Variants in PVT1 observed in about 807,000 individuals in gnomAD.
PVT1 encodes CXCR4/PVT1 fusion.
At chr8:128,027,782 A>G (rs1813330057) in intron 4 of PVT1, among the ~76,000 whole-genome samples, 1 of 152,174 alleles carries the variant, frequency 6.6e-6, no homozygotes, top group African/African-American at 2.4e-5. Flanking sequence ...TGTTGGATGA[A>G]TGGAGAAATG....
intron 4 of PVT1, among the ~76,000 whole-genome samples, chr8:128,021,357 A>G (rs992943646): frequency 3.7e-5 from 5 of 133,858 alleles, no homozygotes; most frequent in Middle Eastern, 4.3e-3. Context: ...ACGGTGGCGC[A>G]ATCTTGGCTC....
intron 3 of PVT1, among the ~76,000 whole-genome samples, chr8:127,926,432 G>A (rs902114830): frequency 1.3e-5 from 2 of 152,198 alleles, no homozygotes; most frequent in African/African-American, 2.4e-5. Flanking sequence ...CACTTCTCTG[G>A]AGATTAGCCT....
At chr8:127,880,357 C>G (rs1815451193) in intron 2 of PVT1, among the ~76,000 whole-genome samples, 1 of 152,022 alleles carries the variant, frequency 6.6e-6, no homozygotes, top group Admixed American at 6.6e-5. Context: ...GTGGCATGAT[C>G]TTGGCTCACT....
intron 4 of PVT1, chr8:128,008,887 T>C (rs1277334490): frequency 1.9e-6 from 1 of 515,346 alleles, no homozygotes; most frequent in South Asian, 1.4e-5. Flanking sequence ...GCTTACATGC[T>C]TTTTTCATAT....
chr8:127,843,320 G>A (rs1397856781), intron 2 of PVT1, among the ~76,000 whole-genome samples: 1 of 152,204 alleles, frequency 6.6e-6, no homozygotes, highest in Non-Finnish European at 1.5e-5. Flanking sequence ...ACTCCAGCTT[G>A]CGCAACAGAG....
At chr8:127,880,547 C>G (rs148446279) in intron 2 of PVT1, among the ~76,000 whole-genome samples, 2 of 149,454 alleles carry the variant, frequency 1.3e-5, no homozygotes, top group Non-Finnish European at 3.0e-5. Context: ...CCGCCTGTCT[C>G]GGTCTCCCAA....
intron 3 of PVT1, among the ~76,000 whole-genome samples, chr8:127,969,190 CCT>C (rs1816735976): frequency 6.6e-6 from 1 of 152,018 alleles, no homozygotes; most frequent in East Asian, 1.9e-4. Flanking sequence ...GGCTGGGAAT[CCT>C]CTCTTTCATT....
chr8:128,060,866 C>T (rs1469916412), intron 4 of PVT1, among the ~76,000 whole-genome samples: 1 of 151,928 alleles, frequency 6.6e-6, no homozygotes, highest in Non-Finnish European at 1.5e-5. Flanking sequence ...TTAGATATCA[C>T]CTCCCAATCT....
intron 3 of PVT1, among the ~76,000 whole-genome samples, chr8:127,899,085 G>A (rs975164776): frequency 3.9e-5 from 6 of 152,196 alleles, no homozygotes; most frequent in Admixed American, 6.5e-5. Flanking sequence ...TCAGCTTTCT[G>A]CTCACTGGGG....
chr8:127,837,531 TTAGAG>T (rs1436892371), intron 2 of PVT1, among the ~76,000 whole-genome samples: 1 of 152,058 alleles, frequency 6.6e-6, no homozygotes, highest in Non-Finnish European at 1.5e-5. Context: ...GTAGATAACA[TTAGAG>T]TATATTATTC....
At chr8:127,951,273 G>T (rs1365007269) in intron 3 of PVT1, among the ~76,000 whole-genome samples, 1 of 152,168 alleles carries the variant, frequency 6.6e-6, no homozygotes, top group Non-Finnish European at 1.5e-5. Context: ...CATCCCACCT[G>T]CTCCTTCTAC....
intron 3 of PVT1, among the ~76,000 whole-genome samples, chr8:127,981,990 T>C (rs1388483965): frequency 1.3e-5 from 2 of 152,192 alleles, no homozygotes; most frequent in African/African-American, 4.8e-5. Flanking sequence ...TTCAAGACTA[T>C]AGACTTTAGA....
At chr8:127,999,472 T>C (rs1398138774) in intron 4 of PVT1, among the ~76,000 whole-genome samples, 1 of 152,162 alleles carries the variant, frequency 6.6e-6, no homozygotes, top group African/African-American at 2.4e-5. Flanking sequence ...CCCATTTTTT[T>C]TTTTTTTGAA....
intron 4 of PVT1, among the ~76,000 whole-genome samples, chr8:128,027,363 G>A (rs1031769307): frequency 6.6e-6 from 1 of 152,224 alleles, no homozygotes; most frequent in Non-Finnish European, 1.5e-5. Context: ...CCACAAGGTG[G>A]TGATTCCCTT....
intron 2 of PVT1, among the ~76,000 whole-genome samples, chr8:127,811,750 TG>T (rs1301474720): frequency 3.9e-5 from 6 of 152,206 alleles, no homozygotes; most frequent in Non-Finnish European, 8.8e-5. Context: ...TTTTGTTTTT[TG>T]CCAGTTCTTT....
intron 2 of PVT1, among the ~76,000 whole-genome samples, chr8:127,833,750 A>G (rs1324406168): frequency 6.6e-6 from 1 of 152,098 alleles, no homozygotes; most frequent in East Asian, 1.9e-4. Context: ...TATGGATCTT[A>G]ATGTCTTGGC....
chr8:127,810,797 A>G (rs1160368277), intron 2 of PVT1, among the ~76,000 whole-genome samples: 2 of 152,130 alleles, frequency 1.3e-5, no homozygotes, highest in Admixed American at 1.3e-4. Flanking sequence ...TCCTCTTCTA[A>G]TGAACTCCTA....
intron 3 of PVT1, among the ~76,000 whole-genome samples, chr8:127,985,965 C>A (rs1234409625): frequency 6.6e-6 from 1 of 152,182 alleles, no homozygotes; most frequent in Non-Finnish European, 1.5e-5. Context: ...CCAGTTGGCC[C>A]CACTGCCTGG....
In PVT1 at chr8:128,075,620, G is replaced by C. The variant is rs373069122; in HGVS notation, n.1114+5259G>C. On this transcript the variant is annotated intron_variant and non_coding_transcript_variant, in intron 5 of 10. Coordinates refer to ENST00000651587, the Ensembl canonical transcript of PVT1. ...TTATCTTTTAGAGCACATTCCTGCA[G>C]ACCATTCTAATTCATTTAAGTGTAT... Among the ~76,000 whole-genome samples the C allele has an allele frequency of 8.5e-5, 13 of 152,212 alleles. 1 individual carries two copies. The East Asian group carries it at 1.2e-3, about 14-fold the overall frequency.
Sources: gnomAD v4.1 joint callset for allele counts (sites outside exome capture counted in the v4.1 genomes callset) on GRCh38, gnomAD v4.1.1 for gene constraint, MANE v1.5 for transcripts, NCBI Gene and HGNC (gene_info 2026-07-23, HGNC 2026-07-21) for gene names.